The following DPYD variants were observed in gnomAD, a reference collection of about 807,000 sequenced individuals.
DPYD encodes the protein dihydropyrimidine dehydrogenase.
In DPYD, 109 loss-of-function variants were observed where a neutral mutation model predicts 116.2. The ratio of observed to expected loss-of-function variants is 0.94; its 90% CI spans 0.80 to 1.10. The LOEUF (loss-of-function observed/expected upper bound fraction) is 1.10. Among genes scored for constraint, DPYD ranks in the 50% least tolerant of loss-of-function variants. The pLI, the probability that DPYD is intolerant of heterozygous loss-of-function variation, is 0.00. For missense variants in DPYD, 1,302 were observed against 1,254.5 expected (o/e 1.04, Z -0.57); for synonymous variants, 440 against 432.0 (o/e 1.02, Z -0.23).
chr1:97,376,166 C>G (rs1671601684), intron 15 of DPYD, among the ~76,000 whole-genome samples: 1 of 152,146 alleles, frequency 6.6e-6, no homozygotes, highest in Non-Finnish European at 1.5e-5. Context: ...TATCCAACAT[C>G]CCACAGCTTA....
intron 3 of DPYD, among the ~76,000 whole-genome samples, chr1:97,751,090 G>A (rs1288245745): frequency 6.6e-6 from 1 of 151,992 alleles, no homozygotes; most frequent in East Asian, 1.9e-4. Context: ...ATAGAATCTT[G>A]AAGTAAATAA....
At chr1:97,571,749 C>T (rs925408510) in intron 11 of DPYD, among the ~76,000 whole-genome samples, 2 of 151,984 alleles carry the variant, frequency 1.3e-5, no homozygotes, top group East Asian at 3.9e-4. Flanking sequence ...CAATAAAATG[C>T]TTTTCATTTT....
At chr1:97,206,340 G>A (rs980312172) in intron 19 of DPYD, among the ~76,000 whole-genome samples, 2 of 151,812 alleles carry the variant, frequency 1.3e-5, no homozygotes, top group Admixed American at 6.6e-5. Flanking sequence ...ATTTACTTAG[G>A]TTACTTATTA....
chr1:97,847,140 A>C (rs1225603902), intron 2 of DPYD, among the ~76,000 whole-genome samples: 1 of 152,190 alleles, frequency 6.6e-6, no homozygotes, highest in Admixed American at 6.5e-5. Context: ...TTAGAACTGG[A>C]CATGGAGTTT....
chr1:97,828,397 C>G (rs1669354827), intron 2 of DPYD, among the ~76,000 whole-genome samples: 1 of 152,108 alleles, frequency 6.6e-6, no homozygotes, highest in Non-Finnish European at 1.5e-5. Context: ...ATACAGCTGT[C>G]ACAGAAGTCT....
intron 8 of DPYD, among the ~76,000 whole-genome samples, chr1:97,604,694 CA>C (rs1445581748): frequency 1.3e-5 from 2 of 151,998 alleles, no homozygotes; most frequent in African/African-American, 4.8e-5. Context: ...GACTTAAAAT[CA>C]CAGTACTTTT....
chr1:97,371,279 G>A (rs1000626489), intron 16 of DPYD, among the ~76,000 whole-genome samples: 5 of 152,176 alleles, frequency 3.3e-5, no homozygotes, highest in African/African-American at 7.2e-5. Flanking sequence ...CCATGGAACC[G>A]ACAGCATGTC....
chr1:97,284,804 A>G (rs1008488677), intron 18 of DPYD, among the ~76,000 whole-genome samples: 1 of 152,152 alleles, frequency 6.6e-6, no homozygotes, highest in Admixed American at 6.6e-5. Context: ...TTCACAACAC[A>G]TTCAATTTTC....
intron 15 of DPYD, among the ~76,000 whole-genome samples, chr1:97,376,030 G>T (rs968460265): frequency 2.0e-5 from 3 of 152,180 alleles, no homozygotes; most frequent in African/African-American, 7.2e-5. Flanking sequence ...CAATATGCCA[G>T]ATACTTTACT....
intron 11 of DPYD, among the ~76,000 whole-genome samples, chr1:97,558,714 T>C (rs1651922188): frequency 6.6e-6 from 1 of 152,148 alleles, no homozygotes; most frequent in African/African-American, 2.4e-5. Context: ...AGCAACTCCT[T>C]TTGTGTTATT....
chr1:97,106,795 G>A (rs1570466085), intron 20 of DPYD, among the ~76,000 whole-genome samples: 1 of 152,078 alleles, frequency 6.6e-6, no homozygotes, highest in African/African-American at 2.4e-5. Context: ...AACAACGTGA[G>A]CCAATTCCCA....
At chr1:97,445,842 C>A (rs1439325479) in intron 14 of DPYD, among the ~76,000 whole-genome samples, 1 of 151,670 alleles carries the variant, frequency 6.6e-6, no homozygotes, top group Non-Finnish European at 1.5e-5. Flanking sequence ...TCTCCTGCCT[C>A]AGCCTCTTGA....
intron 15 of DPYD, among the ~76,000 whole-genome samples, chr1:97,380,076 G>A (rs893436532): frequency 6.6e-6 from 1 of 151,984 alleles, no homozygotes; most frequent in African/African-American, 2.4e-5. Flanking sequence ...TTTTACTCGG[G>A]CTCTATTTTC....
At chr1:97,325,003 G>C (rs1176895055) in intron 16 of DPYD, among the ~76,000 whole-genome samples, 1 of 152,042 alleles carries the variant, frequency 6.6e-6, no homozygotes, top group East Asian at 1.9e-4. Flanking sequence ...CAACTTTACA[G>C]AAGTGCCTGA....
intron 18 of DPYD, among the ~76,000 whole-genome samples, chr1:97,296,308 C>A (rs551248007): frequency 1.3e-5 from 2 of 151,984 alleles, no homozygotes; most frequent in Non-Finnish European, 2.9e-5. Context: ...TGGTGAAGAT[C>A]GCTAACTAAT....
intron 20 of DPYD, among the ~76,000 whole-genome samples, chr1:97,098,921 G>C (rs548329479): frequency 6.6e-6 from 1 of 152,118 alleles, no homozygotes; most frequent in Non-Finnish European, 1.5e-5. Context: ...GTTCACAATG[G>C]CAAACCAAAC....
At chr1:97,171,560 T>C (rs1656727270) in intron 20 of DPYD, among the ~76,000 whole-genome samples, 1 of 152,192 alleles carries the variant, frequency 6.6e-6, no homozygotes, top group Non-Finnish European at 1.5e-5. Context: ...CCTCTGCTCT[T>C]TCCAGCATGG....
At chr1:97,900,416 G>T (rs1673306541) in intron 1 of DPYD, among the ~76,000 whole-genome samples, 1 of 151,860 alleles carries the variant, frequency 6.6e-6, no homozygotes, top group South Asian at 2.1e-4. Flanking sequence ...GGGAAGGACT[G>T]ATAGTCCAAT....
At position 97,155,637 on chromosome 1, in the gene DPYD, T is replaced by C. The variant is rs115181965; in HGVS notation, c.2622+37432A>G. On this transcript the variant is annotated intron_variant, in intron 20 of 22. Transcript: ENST00000370192. Reference sequence around the variant, plus strand: ...TGTCTATTAAATGCCTTATTTGATATTATTATTTCACAGATTCATATCTTA... The same window carrying C: ...TGTCTATTAAATGCCTTATTTGATACTATTATTTCACAGATTCATATCTTA... Among the ~76,000 whole-genome samples, 1,149 of 152,310 alleles carry C rather than the reference T, an allele frequency of 7.5e-3. 19 individuals carry two copies. The highest frequency in any genetic ancestry group is 0.027 in the African/African-American group (1,112 of 41,576).
Sources: allele counts gnomAD v4.1 joint callset (sites outside exome capture counted in the v4.1 genomes callset), GRCh38; gene constraint gnomAD v4.1.1; transcripts MANE v1.5; gene names NCBI Gene and HGNC (gene_info 2026-07-23, HGNC 2026-07-21).